Variants in ANKRD30B observed in about 807,000 individuals in gnomAD.
ANKRD30B encodes ankyrin repeat domain-containing protein 30B.
A neutral mutation model predicts 202.2 loss-of-function variants in ANKRD30B; 144 were observed. The observed-to-expected ratio is 0.71, with a 90% confidence interval of 0.62 to 0.82. The LOEUF (loss-of-function observed/expected upper bound fraction) is 0.82, where lower values mean the gene tolerates loss of function less well. Among genes scored for constraint, ANKRD30B ranks in the 40% least tolerant of loss-of-function variants. The probability of loss-of-function intolerance (pLI) is 0.00; values close to 1 mark genes in which losing one functional copy is unlikely to be tolerated. For missense variants in ANKRD30B, 1,487 were observed against 1,669.1 expected, an observed-to-expected ratio of 0.89 and a Z score of 1.90; for synonymous variants, 508 against 561.3, an observed-to-expected ratio of 0.91 and a Z score of 1.34.
chr18:14,752,842 C>G lies in ANKRD30B; in HGVS notation c.340C>G (p.Leu114Val), dbSNP rs1223649109. The G allele has an allele frequency of 1.9e-6, 3 of 1,608,114 alleles. No individual in the cohort carries two copies. Among genetic ancestry groups the G allele is most frequent in the Non-Finnish European group, 2.5e-6 (3 of 1,176,914 alleles). ...GEGRTPLMKALQCEREACANI... is the reference protein window; with the variant it reads ...GEGRTPLMKAVQCEREACANI... ...CTTCTTGCTTTAATACTGACAGGCT[C>G]TACAATGCGAGAGGGAGGCTTGTGC... Residue 114 changes from leucine to valine, a missense_variant, in exon 3 of 44, where the codon CTA becomes GTA. Transcript: ENST00000690538.
chr18:14,806,499 A>G (rs1969525996), intron 24 of ANKRD30B, among the ~76,000 whole-genome samples: 1 of 150,828 alleles, frequency 6.6e-6, no homozygotes, highest in Admixed American at 6.6e-5. Context: ...TCTCCAGTGT[A>G]CCCCTTTATA....
chr18:14,810,500 T>C (rs1352610764), intron 28 of ANKRD30B, among the ~76,000 whole-genome samples: 1 of 151,210 alleles, frequency 6.6e-6, no homozygotes, highest in African/African-American at 2.4e-5. Flanking sequence ...TTTTCAGTGG[T>C]TCAAATGCTG....
At chr18:14,782,439 A>G (rs1967808333) in intron 11 of ANKRD30B, 88 bp from the exon 12 acceptor site, 3 of 1,033,668 alleles carry the variant, frequency 2.9e-6, no homozygotes, top group Non-Finnish European at 4.2e-6. Context: ...GAAGTCAGAA[A>G]TTGAGTTTAA....
the ANKRD30B span, among the ~76,000 whole-genome samples, chr18:14,876,828 T>C: frequency 6.6e-6 from 1 of 152,240 alleles, no homozygotes; most frequent in Non-Finnish European, 1.5e-5. Flanking sequence ...AGTTCACCTG[T>C]TTATGAATAC....
intron 43 of ANKRD30B, among the ~76,000 whole-genome samples, 33 bp from the exon 44 acceptor site, chr18:14,854,159 A>G (rs2775767): frequency 6.6e-6 from 1 of 151,920 alleles, no homozygotes; most frequent in African/African-American, 2.4e-5. Context: ...AACTGTGGCT[A>G]TCATTCTGCA....
chr18:14,769,454 T>C (rs1916758751), intron 8 of ANKRD30B, 81 bp downstream of exon 8: 2 of 1,103,284 alleles, frequency 1.8e-6, no homozygotes, highest in South Asian at 2.9e-5. Flanking sequence ...CTGAGTATTC[T>C]ACTCTGGGCT....
At chr18:14,886,117 A>G in the ANKRD30B span, among the ~76,000 whole-genome samples, 2 of 151,900 alleles carry the variant, frequency 1.3e-5, no homozygotes, top group African/African-American at 4.8e-5. Flanking sequence ...AGACATAGTC[A>G]CATTTGTGTA....
chr18:14,783,033 C>G (rs1420565540), intron 12 of ANKRD30B, among the ~76,000 whole-genome samples: 1 of 152,138 alleles, frequency 6.6e-6, no homozygotes, highest in African/African-American at 2.4e-5. Context: ...AAATGATCTT[C>G]TGGTCCCAAA....
chr18:14,867,687 G>C, the ANKRD30B span, among the ~76,000 whole-genome samples: 3 of 152,088 alleles, frequency 2.0e-5, no homozygotes, highest in Non-Finnish European at 2.9e-5. Flanking sequence ...GGACTGGCTG[G>C]GTCTGAGTTT....
chr18:14,864,561 AC>A, the ANKRD30B span, among the ~76,000 whole-genome samples: 4 of 149,540 alleles, frequency 2.7e-5, no homozygotes, highest in African/African-American at 9.9e-5. Context: ...AGCCTTCTAT[AC>A]TTTACCGCTC....
chr18:14,785,398 TA>T (rs1208500530), intron 14 of ANKRD30B, among the ~76,000 whole-genome samples: 1 of 152,226 alleles, frequency 6.6e-6, no homozygotes, highest in Admixed American at 6.5e-5. Context: ...AGGTTGTTTA[TA>T]AAATTCCATT....
rs574366572 is a variant in ANKRD30B, at chr18:14,815,580, G to A, written c.2641+869G>A. 2.0e-4 allele frequency among the ~76,000 whole-genome samples: 30 copies of A among 152,178 alleles called. 1 individual carries two copies. The highest frequency in any genetic ancestry group is 4.3e-4 in the Non-Finnish European group (29 of 68,004). The stretch of plus-strand genomic sequence containing the variant: ...TGGAAGAAGAGTAATTGGATAAAGG[G>A]TCAAGACAGAAAAGGTTAGGAGAAA... On this transcript the variant is annotated intron_variant, in intron 30 of 43. Coordinates refer to ENST00000690538, the MANE Select transcript of ANKRD30B (RefSeq NM_001367607.2).
the ANKRD30B span, among the ~76,000 whole-genome samples, chr18:14,865,052 C>A: frequency 1.3e-5 from 2 of 151,740 alleles, no homozygotes; most frequent in African/African-American, 4.8e-5. Flanking sequence ...GCCTTTTTCC[C>A]AGTCCTCTTT....
intron 34 of ANKRD30B, among the ~76,000 whole-genome samples, chr18:14,835,202 T>C (rs1971119198): frequency 1.3e-5 from 2 of 151,776 alleles, no homozygotes; most frequent in South Asian, 2.1e-4. Flanking sequence ...TACAACACTG[T>C]CAAAGAAATG....
At chr18:14,928,268 A>G in the ANKRD30B span, among the ~76,000 whole-genome samples, 1 of 152,118 alleles carries the variant, frequency 6.6e-6, no homozygotes, top group East Asian at 1.9e-4. Flanking sequence ...ACGCCTGGCC[A>G]TGTGATGTTA....
intron 33 of ANKRD30B, among the ~76,000 whole-genome samples, chr18:14,828,776 GT>G (rs1315215497): frequency 6.6e-6 from 1 of 152,338 alleles, no homozygotes; most frequent in Admixed American, 6.5e-5. Context: ...AACCGTTAAA[GT>G]GGTAACCAGT....
chr18:14,755,053 A>T, intron 4 of ANKRD30B, 48 bp downstream of exon 4: 8 of 1,054,746 alleles, frequency 7.6e-6, no homozygotes, highest in African/African-American at 1.6e-5. Context: ...CTAGTGTTCT[A>T]GAGTAATAAT....
the ANKRD30B span, among the ~76,000 whole-genome samples, chr18:14,895,287 T>A: frequency 6.6e-6 from 1 of 151,426 alleles, no homozygotes; most frequent in African/African-American, 2.4e-5. Context: ...AAAATAAAAG[T>A]TGAAATTATT....
chr18:14,790,656 T>A (rs1968429348), intron 15 of ANKRD30B, among the ~76,000 whole-genome samples: 1 of 152,134 alleles, frequency 6.6e-6, no homozygotes, highest in Admixed American at 6.5e-5. Flanking sequence ...ATCATGTGGT[T>A]TTTGTCTTTG....
Sources: gnomAD v4.1 joint callset for allele counts (sites outside exome capture counted in the v4.1 genomes callset) on GRCh38, gnomAD v4.1.1 for gene constraint, MANE v1.5 for transcripts, NCBI Gene and HGNC (gene_info 2026-07-23, HGNC 2026-07-21) for gene names.